The following SPMIP3 variants were observed in gnomAD, a reference collection of about 807,000 sequenced individuals.
The protein encoded by SPMIP3 is protein SPMIP3.
the SPMIP3 span, among the ~76,000 whole-genome samples, chr1:244,357,397 G>A: frequency 1.3e-5 from 2 of 151,934 alleles, no homozygotes; most frequent in Admixed American, 6.6e-5. Context: ...CAACACAAAG[G>A]AATGTTAAAT....
At chr1:244,357,447 C>T in the SPMIP3 span, among the ~76,000 whole-genome samples, 2 of 151,924 alleles carry the variant, frequency 1.3e-5, no homozygotes, top group Non-Finnish European at 2.9e-5. Context: ...AGGGGGCTCA[C>T]GGCTGTAATC....
the SPMIP3 span, among the ~76,000 whole-genome samples, chr1:244,373,940 C>T: frequency 3.0e-4 from 45 of 151,960 alleles, 1 homozygote; most frequent in South Asian, 6.3e-3. Flanking sequence ...ATGGTGAAAC[C>T]CATCTCTTCT....
chr1:244,355,623 T>G, the SPMIP3 span, among the ~76,000 whole-genome samples: 1 of 152,140 alleles, frequency 6.6e-6, no homozygotes, highest in Non-Finnish European at 1.5e-5. Flanking sequence ...CTTGACCTCG[T>G]GATTTGCCAG....
the SPMIP3 span, among the ~76,000 whole-genome samples, chr1:244,353,575 C>T: frequency 1.3e-5 from 2 of 152,152 alleles, no homozygotes; most frequent in Non-Finnish European, 2.9e-5. Flanking sequence ...AGGAGAATCT[C>T]CCAGGGGCTC....
At chr1:244,370,794 T>C in the SPMIP3 span, among the ~76,000 whole-genome samples, 140 of 152,296 alleles carry the variant, frequency 9.2e-4, no homozygotes, top group East Asian at 0.02. Flanking sequence ...TTTGGAGAAC[T>C]GGGTTTGATA....
chr1:244,381,089 G>T, the SPMIP3 span, among the ~76,000 whole-genome samples: 1 of 152,142 alleles, frequency 6.6e-6, no homozygotes, highest in Non-Finnish European at 1.5e-5. Flanking sequence ...GTCCCAAGGA[G>T]CCCTGGGGAG....
the SPMIP3 span, among the ~76,000 whole-genome samples, chr1:244,358,186 C>T: frequency 1.3e-5 from 2 of 151,468 alleles, no homozygotes; most frequent in Admixed American, 6.6e-5. Flanking sequence ...GCCAAGATCA[C>T]GCCATTGCAC....
At chr1:244,364,329 T>C in the SPMIP3 span, among the ~76,000 whole-genome samples, 1 of 152,162 alleles carries the variant, frequency 6.6e-6, no homozygotes, top group African/African-American at 2.4e-5. Flanking sequence ...ATGGTCTCGA[T>C]CTCCTGACCT....
At chr1:244,359,849 G>A in the SPMIP3 span, among the ~76,000 whole-genome samples, 8 of 152,082 alleles carry the variant, frequency 5.3e-5, no homozygotes, top group African/African-American at 1.4e-4. Flanking sequence ...GGTGGCTCAC[G>A]CCTGTAATCC....
At chr1:244,354,822 C>T in the SPMIP3 span, among the ~76,000 whole-genome samples, 1 of 152,190 alleles carries the variant, frequency 6.6e-6, no homozygotes, top group Non-Finnish European at 1.5e-5. Flanking sequence ...ACAAATGTGA[C>T]TTAGACCTCT....
the SPMIP3 span, chr1:244,389,053 C>T: frequency 3.3e-4 from 534 of 1,612,452 alleles, no homozygotes; most frequent in Non-Finnish European, 4.2e-4. Flanking sequence ...GAAAGAAATG[C>T]TTTTAAACTA....
At chr1:244,387,192 C>G in the SPMIP3 span, among the ~76,000 whole-genome samples, 1 of 151,848 alleles carries the variant, frequency 6.6e-6, no homozygotes, top group Non-Finnish European at 1.5e-5. Flanking sequence ...ATCCCAGCTA[C>G]TTGGCTGAGG....
chr1:244,365,490 G>C, the SPMIP3 span, among the ~76,000 whole-genome samples: 80 of 152,268 alleles, frequency 5.3e-4, 1 homozygote, highest in African/African-American at 1.9e-3. Context: ...TTTGCCTTCT[G>C]CCATGATTGT....
chr1:244,380,124 T>TG, the SPMIP3 span, among the ~76,000 whole-genome samples: 31 of 55,964 alleles, frequency 5.5e-4, no homozygotes, highest in Non-Finnish European at 8.4e-4. Context: ...AGAGTTTTTC[T>TG]TTTTTTTTTT....
chr1:244,380,270 C>T, the SPMIP3 span, among the ~76,000 whole-genome samples: 1 of 151,826 alleles, frequency 6.6e-6, no homozygotes, highest in Non-Finnish European at 1.5e-5. Flanking sequence ...CAGGTATGCG[C>T]CACCATGCCC....
At chr1:244,378,553 G>C in the SPMIP3 span, 5 of 1,613,918 alleles carry the variant, frequency 3.1e-6, no homozygotes, top group Non-Finnish European at 4.2e-6. Flanking sequence ...CGATATATTT[G>C]TCTTCGAAGA....
chr1:244,365,284 T>C, the SPMIP3 span, among the ~76,000 whole-genome samples: 5 of 152,244 alleles, frequency 3.3e-5, no homozygotes, highest in African/African-American at 4.8e-5. Context: ...AATCTCATCT[T>C]GAATTGTAGC....
chr1:244,366,576 C>T, the SPMIP3 span, among the ~76,000 whole-genome samples: 1 of 152,202 alleles, frequency 6.6e-6, no homozygotes, highest in East Asian at 1.9e-4. Flanking sequence ...TTCCTGGCTA[C>T]ATCTTAAGAA....
At chr1:244,375,153 G>T in the SPMIP3 span, 2 of 341,022 alleles carry the variant, frequency 5.9e-6, no homozygotes, top group South Asian at 7.1e-5. Context: ...GGTGGGAGGA[G>T]GGAGGCCTGC....
Sources: allele counts gnomAD v4.1 joint callset (sites outside exome capture counted in the v4.1 genomes callset), GRCh38; gene constraint gnomAD v4.1.1; transcripts MANE v1.5; gene names NCBI Gene and HGNC (gene_info 2026-07-23, HGNC 2026-07-21).